MAMLD1: variants seen among roughly 807,000 people sequenced by gnomAD.
The protein encoded by MAMLD1 is mastermind-like domain-containing protein 1.
A neutral mutation model predicts 45.0 loss-of-function variants in MAMLD1; 14 were observed. The ratio of observed to expected loss-of-function variants is 0.31; its 90% CI spans 0.21 to 0.49. The LOEUF (loss-of-function observed/expected upper bound fraction) is 0.49. Among genes scored for constraint, MAMLD1 ranks in the 20% least tolerant of loss-of-function variants. The probability of loss-of-function intolerance (pLI) is 0.99; values close to 1 mark genes in which losing one functional copy is unlikely to be tolerated. For synonymous variants in MAMLD1, 254 were observed against 247.8 expected, an observed-to-expected ratio of 1.02 and a Z score of -0.24; for missense variants, 543 against 603.6, an observed-to-expected ratio of 0.90 and a Z score of 1.05.
chrX:150,470,947 T>C lies in MAMLD1; in HGVS notation c.1374T>C (p.Tyr458=), dbSNP rs2036400144. 1 of 1,209,830 alleles carries C rather than the reference T, an allele frequency of 8.3e-7. No homozygotes were observed. Among genetic ancestry groups the C allele is most frequent in the Admixed American group, 2.2e-5 (1 of 45,754 alleles). ...PASNPGPSPP[Y]RPEKLSSPGL... is the part of the protein sequence containing the mutation. ...GCAACCCTGGGCCGTCCCCACCCTA[T>C]CGCCCAGAGAAGCTCTCTAGCCCAG... is the stretch of plus-strand genomic sequence containing the variant. Residue 458 remains tyrosine (Y), a synonymous_variant, in exon 4 of 8, where the codon TAT becomes TAC. Coordinates refer to ENST00000370401, the MANE Select transcript of MAMLD1 (RefSeq NM_005491.5).
At chrX:150,494,248 G>A (rs782301676) in intron 5 of MAMLD1, among the ~76,000 whole-genome samples, 8 of 111,306 alleles carry the variant, frequency 7.2e-5, no homozygotes, top group African/African-American at 2.0e-4. Context: ...ACAAAAATTA[G>A]CTGGTCGTGG....
At chrX:150,377,856 C>CACAA (rs1350420372) in intron 1 of MAMLD1, among the ~76,000 whole-genome samples, 3 of 109,378 alleles carry the variant, frequency 2.7e-5, no homozygotes, top group Non-Finnish European at 5.7e-5. Flanking sequence ...CACACACACA[C>CACAA]AATTTTATTC....
intron 5 of MAMLD1, among the ~76,000 whole-genome samples, chrX:150,498,220 GA>G (rs1258215001): frequency 9.0e-6 from 1 of 111,519 alleles, no homozygotes; most frequent in East Asian, 2.8e-4. Flanking sequence ...CTGGACCATT[GA>G]AAGGGGCTCG....
chrX:150,390,214 C>T (rs782066880), intron 1 of MAMLD1, among the ~76,000 whole-genome samples: 2 of 111,604 alleles, frequency 1.8e-5, no homozygotes, highest in Non-Finnish European at 3.8e-5. Flanking sequence ...TACAGACATG[C>T]GCCACCATGC....
At chrX:150,481,591 A>G (rs2036758345) in intron 5 of MAMLD1, among the ~76,000 whole-genome samples, 1 of 111,471 alleles carries the variant, frequency 9.0e-6, no homozygotes, top group African/African-American at 3.3e-5. Flanking sequence ...GCACTTTGAG[A>G]AGCCGAGGTG....
chrX:150,369,988 C>A lies in MAMLD1; in HGVS notation c.-64+6458C>A, dbSNP rs782571904. On this transcript the variant is annotated intron_variant, in intron 1 of 7. Coordinates refer to ENST00000370401, the MANE Select transcript of MAMLD1 (RefSeq NM_005491.5). The stretch of plus-strand genomic sequence containing the variant: ...AGAAGGACTCTTTATCCTCTGAGTT[C>A]TTTGGCAATTATCTTGCTGCCATAA... Among the ~76,000 whole-genome samples the A allele has an allele frequency of 2.8e-5, 3 of 108,267 alleles. No individual in the cohort carries two copies. The East Asian group carries it at 8.8e-4, about 32-fold the overall frequency. 94.0% of individuals were successfully genotyped at this position (108,267 alleles called of 115,157 possible).
chrX:150,504,587 C>G, intron 6 of MAMLD1: 1 of 526,310 alleles, frequency 1.9e-6, no homozygotes, highest in Non-Finnish European at 2.3e-6. Flanking sequence ...GCCAGGGAAA[C>G]AGAATTAGCA....
chrX:150,392,942 C>T (rs187866259), intron 1 of MAMLD1, among the ~76,000 whole-genome samples: 8 of 110,649 alleles, frequency 7.2e-5, no homozygotes, highest in African/African-American at 2.6e-4. Flanking sequence ...ATTGATGAAC[C>T]TACATGGACA....
intron 1 of MAMLD1, among the ~76,000 whole-genome samples, chrX:150,366,043 T>C (rs1457125913): frequency 1.8e-5 from 2 of 112,008 alleles, no homozygotes; most frequent in African/African-American, 6.5e-5. Flanking sequence ...TCGGTGTCTC[T>C]CATAGAGTTT....
intron 2 of MAMLD1, among the ~76,000 whole-genome samples, chrX:150,457,699 C>T (rs781984349): frequency 9.0e-6 from 1 of 111,620 alleles, no homozygotes; most frequent in Admixed American, 9.5e-5. Flanking sequence ...AAACATGATG[C>T]CGGGTGAAAG....
At chrX:150,463,280 C>T (rs1372885736) in intron 3 of MAMLD1, among the ~76,000 whole-genome samples, 1 of 111,814 alleles carries the variant, frequency 8.9e-6, no homozygotes, top group Non-Finnish European at 1.9e-5. Flanking sequence ...TCATCTCTAT[C>T]CCACTAATGA....
intron 1 of MAMLD1, among the ~76,000 whole-genome samples, chrX:150,384,733 T>C (rs1557401991): frequency 2.7e-5 from 3 of 112,377 alleles, no homozygotes; most frequent in African/African-American, 6.5e-5. Flanking sequence ...CCAAGAGTTT[T>C]ATAGTTTTAG....
chrX:150,457,479 C>T (rs1406633965), intron 2 of MAMLD1, among the ~76,000 whole-genome samples: 1 of 112,253 alleles, frequency 8.9e-6, no homozygotes, highest in Non-Finnish European at 1.9e-5. Context: ...CCTTGGTATA[C>T]ACCCAAAAGA....
chrX:150,365,720 A>T (rs2031384854), intron 1 of MAMLD1, among the ~76,000 whole-genome samples: 1 of 111,749 alleles, frequency 8.9e-6, no homozygotes. Context: ...AAACTCTCCG[A>T]GCGCCCTTTG....
chrX:150,483,697 T>C (rs1384168513), intron 5 of MAMLD1, among the ~76,000 whole-genome samples: 3 of 112,650 alleles, frequency 2.7e-5, no homozygotes. Flanking sequence ...ATGTGATTTC[T>C]TCAACTTCCA....
At chrX:150,368,077 T>C (rs1332155155) in intron 1 of MAMLD1, among the ~76,000 whole-genome samples, 3 of 111,781 alleles carry the variant, frequency 2.7e-5, no homozygotes, top group Non-Finnish European at 1.9e-5. Flanking sequence ...ATATACCCAG[T>C]AATGGGATGG....
At chrX:150,377,819 T>TCACA (rs3066915) in intron 1 of MAMLD1, among the ~76,000 whole-genome samples, 20,183 of 91,532 alleles carry the variant, frequency 0.22, 1,801 homozygotes, top group Middle Eastern at 0.3. Flanking sequence ...TACCACCCCC[T>TCACA]CACACACACA....
intron 1 of MAMLD1, among the ~76,000 whole-genome samples, chrX:150,365,789 G>A (rs952093001): frequency 5.3e-5 from 6 of 112,770 alleles, no homozygotes; most frequent in African/African-American, 1.9e-4. Context: ...GCCTAGGCGG[G>A]CAGTGAGGAT....
At chrX:150,485,487 T>TA (rs1308340105) in intron 5 of MAMLD1, among the ~76,000 whole-genome samples, 1 of 111,655 alleles carries the variant, frequency 9.0e-6, no homozygotes, top group East Asian at 2.8e-4. Context: ...TTAAGGGATT[T>TA]AAAAATTCAG....
Sources: gnomAD v4.1 joint callset for allele counts (sites outside exome capture counted in the v4.1 genomes callset) on GRCh38, gnomAD v4.1.1 for gene constraint, MANE v1.5 for transcripts, NCBI Gene and HGNC (gene_info 2026-07-23, HGNC 2026-07-21) for gene names.